Variants in SGCG observed in about 807,000 individuals in gnomAD.
SGCG encodes sarcoglycan gamma.
A neutral mutation model predicts 29.3 loss-of-function variants in SGCG; 26 were observed. That is an observed-to-expected ratio of 0.89 (90% CI 0.65 to 1.23). The LOEUF is 1.23. SGCG is among the 50% of genes most tolerant of loss of function. SGCG has a pLI of 0.00. For synonymous variants in SGCG, 145 were observed against 129.7 expected, an observed-to-expected ratio of 1.12 and a Z score of -0.80; for missense variants, 353 against 356.0, an observed-to-expected ratio of 0.99 and a Z score of 0.07.
intron 1 of SGCG, among the ~76,000 whole-genome samples, chr13:23,202,294 C>T (rs1463219796): frequency 1.3e-5 from 2 of 152,254 alleles, no homozygotes; most frequent in East Asian, 3.9e-4. Flanking sequence ...TACACATTGA[C>T]TGCTGGGTGG....
intron 6 of SGCG, among the ~76,000 whole-genome samples, chr13:23,295,760 G>A (rs1319664096): frequency 6.6e-6 from 1 of 152,136 alleles, no homozygotes; most frequent in East Asian, 1.9e-4. Flanking sequence ...GTATCAAAAT[G>A]ACTTTGCTAA....
chr13:23,223,177 C>G (rs1168047750), intron 2 of SGCG, among the ~76,000 whole-genome samples: 2 of 149,756 alleles, frequency 1.3e-5, no homozygotes, highest in Non-Finnish European at 3.0e-5. Context: ...ACTCTGGAGG[C>G]TGAGGCAGGA....
chr13:23,176,196 A>G (rs967454977), upstream of SGCG, among the ~76,000 whole-genome samples: 3 of 152,154 alleles, frequency 2.0e-5, no homozygotes, highest in Non-Finnish European at 2.9e-5. Context: ...TGATAGCTCA[A>G]GTTTTTTAAT....
chr13:23,199,549 T>C (rs1877655916), intron 1 of SGCG, among the ~76,000 whole-genome samples: 2 of 146,442 alleles, frequency 1.4e-5, no homozygotes, highest in Admixed American at 7.0e-5. Context: ...CACTTGTGAG[T>C]TGTGAGAAAT....
chr13:23,304,829 A>AT (rs1882303906), intron 6 of SGCG, among the ~76,000 whole-genome samples: 1 of 152,138 alleles, frequency 6.6e-6, no homozygotes, highest in Non-Finnish European at 1.5e-5. Context: ...GGGTTTTGCC[A>AT]TGTTGGCCAG....
At chr13:23,230,352 C>G (rs544821782) in intron 2 of SGCG, among the ~76,000 whole-genome samples, 87 of 152,192 alleles carry the variant, frequency 5.7e-4, no homozygotes, top group Non-Finnish European at 1.1e-3. Context: ...GGAATAACAT[C>G]GAATCTGTAA....
intron 2 of SGCG, among the ~76,000 whole-genome samples, chr13:23,216,575 T>C (rs1268558630): frequency 2.0e-5 from 3 of 152,166 alleles, no homozygotes; most frequent in African/African-American, 7.2e-5. Flanking sequence ...GACCATGATA[T>C]TCCCTCACAA....
At chr13:23,194,750 T>C (rs1358225456) in intron 1 of SGCG, among the ~76,000 whole-genome samples, 1 of 152,238 alleles carries the variant, frequency 6.6e-6, no homozygotes, top group African/African-American at 2.4e-5. Flanking sequence ...CCTGTGTTAC[T>C]GGACATGTGT....
At chr13:23,307,933 G>T (rs475538) in intron 6 of SGCG, among the ~76,000 whole-genome samples, 122,863 of 152,190 alleles carry the variant, frequency 0.81, 52,063 homozygotes, top group East Asian at 1. Flanking sequence ...ACATTCCGTA[G>T]AGAAGTGAGA....
intron 1 of SGCG, among the ~76,000 whole-genome samples, chr13:23,192,480 A>G (rs934473599): frequency 2.6e-5 from 4 of 151,892 alleles, no homozygotes; most frequent in Non-Finnish European, 5.9e-5. Context: ...TGCAACCTCC[A>G]CCTCTGGAGT....
At chr13:23,308,389 G>A (rs889535786) in intron 6 of SGCG, among the ~76,000 whole-genome samples, 1 of 152,026 alleles carries the variant, frequency 6.6e-6, no homozygotes, top group African/African-American at 2.4e-5. Flanking sequence ...TGCTATTTTT[G>A]TCATATATAA....
In SGCG at chr13:23,307,984, CAACATTACACCTAT is replaced by C. The variant is rs1229292784; in HGVS notation, c.578+12498_578+12511del. The stretch of plus-strand genomic sequence containing the variant: ...CCCACATATGGGTCTCTATAAATGT[CAACATTACACCTAT>C]GTGTAATGTTACATTATGTTGTGGT... On this transcript the variant is annotated intron_variant, in intron 6 of 7. Transcript: ENST00000218867. Among the ~76,000 whole-genome samples, 140 of 152,190 alleles carry C rather than the reference CAACATTACACCTAT, an allele frequency of 9.2e-4. 3 individuals are homozygous for C. In the South Asian group the frequency reaches 0.027, roughly 29 times the overall value.
rs577437804 is a variant in SGCG, at chr13:23,320,556, C to A, written c.579-81C>A. On this transcript the variant is annotated intron_variant, in intron 6 of 7. Coordinates refer to ENST00000218867, the MANE Select transcript of SGCG (RefSeq NM_000231.3). Reference sequence around the variant, plus strand: ...TACATATCTTACTAGTTATATTTCCCATGCTAAGTTGAGGGATTGCTGGAG... The same window carrying A: ...TACATATCTTACTAGTTATATTTCCAATGCTAAGTTGAGGGATTGCTGGAG... The A allele has an allele frequency of 1.6e-5, 19 of 1,199,762 alleles. No individual in the cohort carries two copies. The African/African-American group carries it at 2.8e-4, about 18-fold the overall frequency. 74.3% of individuals were successfully genotyped at this position (1,199,762 alleles called of 1,614,324 possible).
At chr13:23,233,568 T>G (rs1292872632) in intron 2 of SGCG, among the ~76,000 whole-genome samples, 1 of 152,184 alleles carries the variant, frequency 6.6e-6, no homozygotes, top group East Asian at 1.9e-4. Flanking sequence ...AGTGTTTAAT[T>G]GTGCAAGATG....
At chr13:23,209,001 T>C (rs4770411) in intron 2 of SGCG, among the ~76,000 whole-genome samples, 33,349 of 152,012 alleles carry the variant, frequency 0.22, 3,797 homozygotes, top group East Asian at 0.37. Context: ...TAAAATATTT[T>C]AGTGCATTTA....
chr13:23,280,613 A>C (rs1881271545), intron 5 of SGCG, among the ~76,000 whole-genome samples: 1 of 152,252 alleles, frequency 6.6e-6, no homozygotes, highest in East Asian at 1.9e-4. Flanking sequence ...ACTGTTGTGT[A>C]GGATAAAGAA....
intron 5 of SGCG, among the ~76,000 whole-genome samples, chr13:23,285,083 G>A (rs1881445050): frequency 6.6e-6 from 1 of 152,188 alleles, no homozygotes; most frequent in Admixed American, 6.5e-5. Context: ...GGAGGCACAG[G>A]GGTCAGGGAC....
intron 4 of SGCG, among the ~76,000 whole-genome samples, chr13:23,252,771 G>A: frequency 6.6e-6 from 1 of 152,138 alleles, no homozygotes; most frequent in East Asian, 1.9e-4. Flanking sequence ...TTTGTTGGGT[G>A]TGGATTTTCG....
chr13:23,235,902 C>G (rs1593189176), intron 3 of SGCG, among the ~76,000 whole-genome samples: 1 of 152,302 alleles, frequency 6.6e-6, no homozygotes, highest in South Asian at 2.1e-4. Context: ...AAAACACACT[C>G]CTGAACCAGA....
Sources: gnomAD v4.1 joint callset for allele counts (sites outside exome capture counted in the v4.1 genomes callset) on GRCh38, gnomAD v4.1.1 for gene constraint, MANE v1.5 for transcripts, NCBI Gene and HGNC (gene_info 2026-07-23, HGNC 2026-07-21) for gene names.